The following SH3BP1 variants were observed in gnomAD, a reference collection of about 807,000 sequenced individuals.
SH3BP1 encodes SH3 domain binding protein 1.
Under a neutral mutation model 69.8 loss-of-function variants are expected in SH3BP1, and 46 were observed. The observed-to-expected ratio is 0.66, with a 90% CI of 0.52 to 0.84. SH3BP1 has a LOEUF of 0.84. Ranked by LOEUF, SH3BP1 falls within the 40% of genes least tolerant of loss-of-function variation. The pLI, the probability that SH3BP1 is intolerant of heterozygous loss-of-function variation, is 0.00. For synonymous variants in SH3BP1, 403 were observed against 378.0 expected, an observed-to-expected ratio of 1.07 and a Z score of -0.77; for missense variants, 868 against 930.9, an observed-to-expected ratio of 0.93 and a Z score of 0.88.
intron 17 of SH3BP1, among the ~76,000 whole-genome samples, chr22:37,654,679 G>C (rs56888944): frequency 6.6e-6 from 1 of 152,176 alleles, no homozygotes; most frequent in African/African-American, 2.4e-5. Flanking sequence ...TCACCTGTCA[G>C]TTTGGCCCAG....
Position 37,650,551 on chromosome 22 carries a change from T to G in SH3BP1, c.1424T>G (p.Phe475Cys). 1 of 1,610,088 alleles carries G rather than the reference T, an allele frequency of 6.2e-7. No individual in the cohort carries two copies. The highest frequency in any genetic ancestry group is 1.1e-5 in the South Asian group (1 of 90,764). The part of the protein sequence containing the change: ...ADTLFPGDIN[F>C]NVSGLFSAVT... ...CTCCTTCTGTCTCCAGACATCAACT[T>G]CAACGTGTCAGGCCTCTTCTCAGCT... Residue 475 changes from phenylalanine to cysteine, a missense_variant, in exon 16 of 18, where the codon TTC (phenylalanine) becomes TGC (cysteine). By Grantham distance (205) the Phe-to-Cys change is radical. This residue lies in a region of SH3BP1 where 474 missense variants were observed against 462.3 expected (regional missense o/e 1.03). Transcript: ENST00000649765.
chr22:37,643,437 T>G, intron 6 of SH3BP1: 1 of 703,456 alleles, frequency 1.4e-6, no homozygotes. Flanking sequence ...TTCTCCCCTC[T>G]GTGGAGTGGC....
At chr22:37,650,353 A>G in intron 15 of SH3BP1, 104 bp downstream of exon 15, 1 of 1,501,734 alleles carries the variant, frequency 6.7e-7, no homozygotes. Flanking sequence ...AGGAAGTCTG[A>G]GCCTCAGTTT....
At position 37,643,740 on chromosome 22, in the gene SH3BP1, G is replaced by T. The variant is rs189528846; in HGVS notation, c.570G>T (p.Thr190=). The T allele has an allele frequency of 5.0e-6, 8 of 1,613,914 alleles. No individual in the cohort carries two copies. The African/African-American group carries it at 9.3e-5, about 19-fold the overall frequency. The part of the protein sequence containing the change: ...SHTTMANKVE[T]LKEEEEELKR... ...CGACCATGGCCAACAAGGTGGAGAC[G>T]CTGAAGGAGGAGGAGGAGGAGCTGA... is the stretch of plus-strand genomic sequence containing the variant. The change falls in exon 7 of 18, where the codon ACG becomes ACT. Residue 190 remains threonine (T), a synonymous_variant. Transcript: ENST00000649765.
intron 2 of SH3BP1, 33 bp from the exon 3 acceptor site, chr22:37,641,341 T>C (rs1227817846): frequency 6.5e-7 from 1 of 1,548,460 alleles, no homozygotes; most frequent in Non-Finnish European, 8.7e-7. Context: ...AGACAGCCTC[T>C]CTTGATCCTT....
intron 6 of SH3BP1, 79 bp from the exon 7 acceptor site, chr22:37,643,565 G>A: frequency 6.4e-7 from 1 of 1,574,788 alleles, no homozygotes; most frequent in Admixed American, 1.7e-5. Flanking sequence ...AATCCCATGT[G>A]GTCTGCTGTA....
intron 7 of SH3BP1, among the ~76,000 whole-genome samples, chr22:37,643,993 GT>G: frequency 6.6e-6 from 1 of 152,358 alleles, no homozygotes; most frequent in African/African-American, 2.4e-5. Context: ...GACTTGGTCT[GT>G]TCCCTGAGTC....
intron 1 of SH3BP1, 74 bp downstream of exon 1, chr22:37,639,920 CG>C: frequency 4.2e-6 from 2 of 475,058 alleles, no homozygotes; most frequent in Non-Finnish European, 8.1e-6. Context: ...TCGGGGGAGA[CG>C]GGGGTGGGGG....
Position 37,656,031 on chromosome 22 carries a change from G to A in SH3BP1, c.*347G>A, listed in dbSNP as rs1277231515. On this transcript the variant is annotated 3_prime_UTR_variant, in exon 18 of 18. Coordinates refer to ENST00000649765, the MANE Select transcript of SH3BP1 (RefSeq NM_018957.6). ...GTAAGGCTGGTAAATAAATTATTTTGGACAAAACTGGAGCAGCTGCCCAAA... is the reference window on the plus strand; with the variant it reads ...GTAAGGCTGGTAAATAAATTATTTTAGACAAAACTGGAGCAGCTGCCCAAA... The A allele has an allele frequency of 1.4e-6, 2 of 1,406,072 alleles. No individual in the cohort carries two copies. The highest frequency in any genetic ancestry group is 3.8e-5 in the East Asian group (1 of 26,464). 87.1% of individuals were successfully genotyped at this position (1,406,072 alleles called of 1,614,324 possible). A position where few individuals can be genotyped will look rare whatever the true frequency, so the allele number is the denominator to read the frequency against.
At chr22:37,643,568 C>T in intron 6 of SH3BP1, 76 bp from the exon 7 acceptor site, 1 of 1,586,968 alleles carries the variant, frequency 6.3e-7, no homozygotes, top group Admixed American at 1.7e-5. Context: ...CCCATGTGGT[C>T]TGCTGTATGG....
At chr22:37,641,077 G>T (rs1483824944) in intron 1 of SH3BP1, 49 bp from the exon 2 acceptor site, 12 of 1,301,488 alleles carry the variant, frequency 9.2e-6, no homozygotes, top group African/African-American at 1.5e-5. Context: ...TCTAACCCAG[G>T]CAGGCTCAGC....
At chr22:37,647,851 T>G (rs1932811703) in intron 13 of SH3BP1, among the ~76,000 whole-genome samples, 1 of 152,048 alleles carries the variant, frequency 6.6e-6, no homozygotes, top group African/African-American at 2.4e-5. Flanking sequence ...AATTTTTGTA[T>G]TTTTAGTAAA....
intron 6 of SH3BP1, 185 bp downstream of exon 6, chr22:37,643,359 T>C (rs900986703): frequency 1.9e-5 from 13 of 669,092 alleles, no homozygotes; most frequent in Non-Finnish European, 3.3e-5. Context: ...TGTGCCCGCG[T>C]GTGTCACAGC....
intron 6 of SH3BP1, 122 bp from the exon 7 acceptor site, chr22:37,643,520 AGT>A: frequency 3.7e-6 from 5 of 1,365,472 alleles, no homozygotes; most frequent in Non-Finnish European, 4.0e-6. Flanking sequence ...GGCCCCGGCC[AGT>A]GGAGCTCTCA....
chr22:37,643,711 C>T lies in SH3BP1; in HGVS notation c.541C>T (p.His181Tyr), dbSNP rs1932701410. The part of the protein sequence containing the change: ...GLGGSPGSHS[H>Y]TTMANKVETL... The stretch of plus-strand genomic sequence containing the variant: ...AGGAGGCAGCCCGGGTAGTCACAGC[C>T]ATACGACCATGGCCAACAAGGTGGA... Residue 181 changes from histidine (H) to tyrosine (Y), a missense_variant, in exon 7 of 18, where the codon CAT becomes TAT. Physicochemically the swap from His to Tyr is moderately conservative, Grantham distance 83. Around this residue, in one of 3 missense-constraint regions of SH3BP1, gnomAD observed 387 missense variants for 447.9 expected, o/e 0.86. Transcript: ENST00000649765. 1.2e-6 allele frequency: 2 copies of T among 1,614,032 alleles called. No individual in the cohort carries two copies. The highest frequency in any genetic ancestry group is 4.5e-5 in the East Asian group (2 of 44,880).
In SH3BP1 at chr22:37,641,173, G is replaced by C; in HGVS notation, c.102+5G>C. 1 of 1,542,808 alleles carries C rather than the reference G, an allele frequency of 6.5e-7. No homozygotes were observed. The highest frequency in any genetic ancestry group is 8.8e-7 in the Non-Finnish European group (1 of 1,142,334). ...CTGGGTGAGGACCTGCTGCAGGTACGTGCCTGGGCCGGGCAGGTGGGAAGG... is the reference window on the plus strand; with the variant it reads ...CTGGGTGAGGACCTGCTGCAGGTACCTGCCTGGGCCGGGCAGGTGGGAAGG... On this transcript the variant is annotated splice_donor_5th_base_variant and intron_variant, in intron 2 of 17. Coordinates refer to ENST00000649765, the MANE Select transcript of SH3BP1 (RefSeq NM_018957.6).
At chr22:37,639,915 G>GTT in intron 1 of SH3BP1, 69 bp downstream of exon 1, 5 of 1,240,276 alleles carry the variant, frequency 4.0e-6, no homozygotes, top group Non-Finnish European at 5.6e-6. Flanking sequence ...AAGGGTCGGG[G>GTT]GAGACGGGGG....
At chr22:37,643,350 G>A (rs1172218033) in intron 6 of SH3BP1, 176 bp downstream of exon 6, 1 of 674,496 alleles carries the variant, frequency 1.5e-6, no homozygotes, top group Non-Finnish European at 2.5e-6. Flanking sequence ...CTGTGAGGGT[G>A]TGCCCGCGTG....
At chr22:37,640,059 A>G (rs1325604615) in intron 1 of SH3BP1, among the ~76,000 whole-genome samples, 1 of 152,102 alleles carries the variant, frequency 6.6e-6, no homozygotes, top group Non-Finnish European at 1.5e-5. Flanking sequence ...GGGGGAAGGG[A>G]TGCCCCCCCT....
Sources: gnomAD v4.1 joint callset for allele counts (sites outside exome capture counted in the v4.1 genomes callset) on GRCh38, gnomAD v4.1.1 for gene constraint, gnomAD v4.1.1 regional missense constraint, MANE v1.5 for transcripts, NCBI Gene and HGNC (gene_info 2026-07-23, HGNC 2026-07-21) for gene names.